GRAMD4: variants seen among roughly 807,000 people sequenced by gnomAD.
GRAMD4 encodes GRAM domain-containing protein 4.
In GRAMD4, 25 loss-of-function variants were observed where a neutral mutation model predicts 83.9. The ratio of observed to expected loss-of-function variants is 0.30; its 90% confidence interval spans 0.22 to 0.42. GRAMD4 has a LOEUF of 0.42. Among genes scored for constraint, GRAMD4 ranks in the 10% least tolerant of loss-of-function variants. The probability of loss-of-function intolerance (pLI) is 1.00; values close to 1 mark genes in which losing one functional copy is unlikely to be tolerated. For synonymous variants in GRAMD4, 336 were observed against 320.9 expected (o/e 1.05, Z -0.50); for missense variants, 593 against 788.7 (o/e 0.75, Z 2.97).
At chr22:46,595,115 G>T (rs572881506) in intron 1 of GRAMD4, among the ~76,000 whole-genome samples, 1 of 152,258 alleles carries the variant, frequency 6.6e-6, no homozygotes, top group East Asian at 1.9e-4. Flanking sequence ...GGCCCGGGGG[G>T]AGAGTGTGCC....
chr22:46,581,482 C>T (rs1446201960), intron 1 of GRAMD4, among the ~76,000 whole-genome samples: 1 of 152,250 alleles, frequency 6.6e-6, no homozygotes, highest in Non-Finnish European at 1.5e-5. Context: ...ATAAACATTG[C>T]AGCCTTTCTG....
chr22:46,602,572 A>G (rs915283344), intron 1 of GRAMD4, among the ~76,000 whole-genome samples: 3 of 151,882 alleles, frequency 2.0e-5, no homozygotes, highest in Non-Finnish European at 4.4e-5. Flanking sequence ...CTGAGGCAGG[A>G]GGATCACTGA....
chr22:46,658,209 A>T lies in GRAMD4; in HGVS notation c.306A>T (p.Arg102=). ...HFLQEELRKL[R]EETNAEMLRQ... is the part of the protein sequence containing the mutation. ...TAGAGGAGGAGCTCCGGAAGCTGCG[A>T]GAAGAAACCAACGCGGAGATGCTGC... Residue 102 remains arginine (R), a synonymous_variant, in exon 4 of 19, where the codon CGA becomes CGT. Transcript: ENST00000406902. The T allele has an allele frequency of 6.2e-7, 1 of 1,613,776 alleles. No homozygotes were observed. The highest frequency in any genetic ancestry group is 8.5e-7 in the Non-Finnish European group (1 of 1,179,934).
At position 46,679,592 on chromosome 22, in the gene GRAMD4, C is replaced by G. The variant is rs938003280; in HGVS notation, c.*2341C>G. The G allele has an allele frequency of 2.0e-6, 2 of 983,560 alleles. No homozygotes were observed. Among genetic ancestry groups the G allele is most frequent in the South Asian group, 9.4e-5 (2 of 21,256 alleles). 60.9% of individuals were successfully genotyped at this position (983,560 alleles called of 1,614,324 possible). ...AATGTTAAATTTTTTATGTCTGAAG[C>G]CTGAGTCTATTTTGGATCTGTAAAT... On this transcript the variant is annotated 3_prime_UTR_variant, in exon 19 of 19. Transcript: ENST00000406902.
At chr22:46,589,275 C>G (rs1438876203) in intron 1 of GRAMD4, among the ~76,000 whole-genome samples, 7 of 129,526 alleles carry the variant, frequency 5.4e-5, no homozygotes, top group Admixed American at 4.3e-4. Flanking sequence ...GGGGGCGGCT[C>G]TGATATGGGG....
At position 46,678,298 on chromosome 22, in the gene GRAMD4, G is replaced by A; in HGVS notation, c.*1047G>A. ...CCTGTGCTTTAGGGAGCAACCGTGA[G>A]CCGAGCCCAGAGGCCTGGGCCTGCA... On this transcript the variant is annotated 3_prime_UTR_variant, in exon 19 of 19. Coordinates refer to ENST00000406902, the MANE Select transcript of GRAMD4 (RefSeq NM_015124.5). 1 of 985,494 alleles carries A rather than the reference G, an allele frequency of 1.0e-6. No individual in the cohort carries two copies. The highest frequency in any genetic ancestry group is 1.2e-6 in the Non-Finnish European group (1 of 829,974). 61.0% of individuals were successfully genotyped at this position (985,494 alleles called of 1,614,324 possible). A position where few individuals can be genotyped will look rare whatever the true frequency, so the allele number is the denominator to read the frequency against.
chr22:46,639,782 T>TC (rs2081948662), intron 3 of GRAMD4, among the ~76,000 whole-genome samples: 1 of 152,164 alleles, frequency 6.6e-6, no homozygotes, highest in Admixed American at 6.5e-5. Context: ...TGGACACTGG[T>TC]CGTTCTGAGG....
In GRAMD4 at chr22:46,598,046, A is replaced by G. The variant is rs529326596; in HGVS notation, c.-50+20756A>G. 7.9e-5 allele frequency among the ~76,000 whole-genome samples: 12 copies of G among 152,220 alleles called. 1 individual carries two copies. The South Asian group carries it at 2.5e-3, about 32-fold the overall frequency. On this transcript the variant is annotated intron_variant, in intron 1 of 1. Coordinates refer to the GRAMD4 transcript ENST00000431155. ...GCCCAGGCTGGAGTGCAGTGGCACA[A>G]TCCCAGCTCACTGCAACCTCCACCT...
chr22:46,652,800 C>T (rs1430816209), intron 3 of GRAMD4, among the ~76,000 whole-genome samples: 1 of 152,180 alleles, frequency 6.6e-6, no homozygotes, highest in Non-Finnish European at 1.5e-5. Context: ...TTGCTCCGGG[C>T]TGGAAATCGG....
chr22:46,639,359 A>G (rs900875007), intron 3 of GRAMD4, among the ~76,000 whole-genome samples: 1 of 95,110 alleles, frequency 1.1e-5, no homozygotes, highest in African/African-American at 4.4e-5. Context: ...CTGTGTGTGC[A>G]CGTACGTGCA....
At position 46,659,859 on chromosome 22, in the gene GRAMD4, G is replaced by A. The variant is rs2082302543; in HGVS notation, c.405-1522G>A. ...CTTTACCTGATGCTGAACCTTCTGG[G>A]AAAATCCACAGAAGCTCAAAGCTTA... On this transcript the variant is annotated intron_variant, in intron 4 of 18. Coordinates refer to ENST00000406902, the MANE Select transcript of GRAMD4 (RefSeq NM_015124.5). This position sits in a 1 kb window ranked among gnomAD's most constrained non-coding sequence, Gnocchi z 4.1. Among the ~76,000 whole-genome samples the A allele has an allele frequency of 6.6e-6, 1 of 152,220 alleles. No homozygotes were observed. The highest frequency in any genetic ancestry group is 2.4e-5 in the African/African-American group (1 of 41,464).
intron 1 of GRAMD4, among the ~76,000 whole-genome samples, chr22:46,591,787 C>G (rs1023954200): frequency 7.8e-5 from 10 of 128,678 alleles, no homozygotes; most frequent in Non-Finnish European, 1.5e-4. Flanking sequence ...GAGCCAAGAT[C>G]AAGCCACTGC....
intron 1 of GRAMD4, among the ~76,000 whole-genome samples, chr22:46,603,603 G>A (rs2081336840): frequency 2.1e-5 from 3 of 142,188 alleles, no homozygotes; most frequent in Admixed American, 7.4e-5. Flanking sequence ...TGCAAGCTCC[G>A]CCTTCCGGGT....
chr22:46,577,435 C>CGCCG, intron 1 of GRAMD4: 24 of 309,374 alleles, frequency 7.8e-5, no homozygotes, highest in Non-Finnish European at 1.1e-4. Flanking sequence ...AGCCGGCGAC[C>CGCCG]CTCCGAGCAG....
intron 1 of GRAMD4, among the ~76,000 whole-genome samples, chr22:46,608,999 G>T (rs117944177): frequency 6.6e-6 from 1 of 151,938 alleles, no homozygotes; most frequent in Non-Finnish European, 1.5e-5. Flanking sequence ...GCAGTGGCAC[G>T]TGCCTGCAGT....
At chr22:46,589,816 C>T (rs942141012) in intron 1 of GRAMD4, among the ~76,000 whole-genome samples, 4 of 152,174 alleles carry the variant, frequency 2.6e-5, no homozygotes, top group Admixed American at 2.6e-4. Context: ...GCCTGCTGCA[C>T]TGCCAGGACC....
At chr22:46,620,327 C>G, upstream of GRAMD4, 1 of 985,498 alleles carries the variant, frequency 1.0e-6, no homozygotes, top group Non-Finnish European at 1.2e-6. This position sits in a 1 kb window ranked among gnomAD's most constrained non-coding sequence, Gnocchi z 4.7. Flanking sequence ...CCGCCCTGAG[C>G]CTGGGGGATC....
At chr22:46,584,276 G>A (rs927236003) in intron 1 of GRAMD4, among the ~76,000 whole-genome samples, 4 of 152,054 alleles carry the variant, frequency 2.6e-5, no homozygotes, top group East Asian at 1.9e-4. Context: ...TCCAGGTGGC[G>A]GGTACGCTCA....
At chr22:46,661,146 T>C (rs2082320490) in intron 4 of GRAMD4, among the ~76,000 whole-genome samples, 1 of 151,954 alleles carries the variant, frequency 6.6e-6, no homozygotes, top group Non-Finnish European at 1.5e-5. Context: ...AAGGAAAGAG[T>C]GGTGAAAGAT....
Sources: allele counts gnomAD v4.1 joint callset (sites outside exome capture counted in the v4.1 genomes callset), GRCh38; gene constraint gnomAD v4.1.1; non-coding constraint Gnocchi (gnomAD v3.1); transcripts MANE v1.5; gene names NCBI Gene and HGNC (gene_info 2026-07-23, HGNC 2026-07-21).